The following CSMD1 variants were observed in gnomAD, a reference collection of about 807,000 sequenced individuals.
CSMD1 encodes the protein CUB and Sushi multiple domains 1, also known as CUB and sushi domain-containing protein 1.
Under a neutral mutation model 417.5 loss-of-function variants are expected in CSMD1, and 213 were observed. The ratio of observed to expected loss-of-function variants is 0.51; its 90% CI spans 0.46 to 0.57. The LOEUF (loss-of-function observed/expected upper bound fraction) is 0.57, where lower values mean the gene tolerates loss of function less well. CSMD1 is among the 20% of genes least tolerant of loss of function. The pLI, the probability that CSMD1 is intolerant of heterozygous loss-of-function variation, is 0.00. For synonymous variants in CSMD1, 2,862 were observed against 1,736.8 expected, an observed-to-expected ratio of 1.65 and a Z score of -16.11; for missense variants, 6,923 against 4,529.7, an observed-to-expected ratio of 1.53 and a Z score of -15.17.
chr8:3,755,483 A>C (rs946714173), intron 5 of CSMD1, among the ~76,000 whole-genome samples: 2 of 152,182 alleles, frequency 1.3e-5, no homozygotes, highest in African/African-American at 4.8e-5. Flanking sequence ...GTAAGGGTTT[A>C]AGCAAATTGC....
chr8:4,304,971 C>G (rs1434720370), intron 3 of CSMD1, among the ~76,000 whole-genome samples: 2 of 152,130 alleles, frequency 1.3e-5, no homozygotes, highest in African/African-American at 2.4e-5. Flanking sequence ...ACACTAACGT[C>G]TGGATGGTAA....
intron 1 of CSMD1, among the ~76,000 whole-genome samples, chr8:4,773,879 T>C (rs1179470535): frequency 6.6e-6 from 1 of 152,202 alleles, no homozygotes; most frequent in East Asian, 1.9e-4. Flanking sequence ...GCCCAAACTA[T>C]TAAATACGCT....
At chr8:4,106,375 C>T (rs1195831045) in intron 3 of CSMD1, among the ~76,000 whole-genome samples, 1 of 152,280 alleles carries the variant, frequency 6.6e-6, no homozygotes, top group East Asian at 1.9e-4. Context: ...CATTCAATTA[C>T]AATGCTGCAT....
At chr8:3,335,027 C>G (rs1807161460) in intron 23 of CSMD1, among the ~76,000 whole-genome samples, 1 of 152,206 alleles carries the variant, frequency 6.6e-6, no homozygotes, top group Non-Finnish European at 1.5e-5. Context: ...GATACTGTCT[C>G]TTAAACATTT....
At chr8:3,980,297 C>G (rs370885926) in intron 5 of CSMD1, among the ~76,000 whole-genome samples, 2 of 152,192 alleles carry the variant, frequency 1.3e-5, no homozygotes, top group South Asian at 4.1e-4. Flanking sequence ...CAGCCCAATG[C>G]TATTCTTGTC....
chr8:4,982,883 G>GTAAC (rs1810976683), intron 1 of CSMD1, among the ~76,000 whole-genome samples: 1 of 152,100 alleles, frequency 6.6e-6, no homozygotes, highest in Admixed American at 6.6e-5. Context: ...AGGTAATTTT[G>GTAAC]TAACTGCAGT....
intron 1 of CSMD1, among the ~76,000 whole-genome samples, chr8:4,760,059 C>T (rs988098690): frequency 6.6e-6 from 1 of 152,166 alleles, no homozygotes; most frequent in Non-Finnish European, 1.5e-5. Context: ...TTCTCTGCAA[C>T]CTCTCCAGCA....
intron 2 of CSMD1, among the ~76,000 whole-genome samples, chr8:4,523,778 A>G (rs2130413284): frequency 6.6e-6 from 1 of 152,326 alleles, no homozygotes; most frequent in South Asian, 2.1e-4. Flanking sequence ...ACATAATTGT[A>G]TGCAGAGCAA....
At chr8:3,420,180 C>T (rs1813398578) in intron 12 of CSMD1, among the ~76,000 whole-genome samples, 1 of 152,024 alleles carries the variant, frequency 6.6e-6, no homozygotes, top group Non-Finnish European at 1.5e-5. Flanking sequence ...TGATAAAAGT[C>T]CTTAAAAGAT....
intron 21 of CSMD1, among the ~76,000 whole-genome samples, chr8:3,355,958 G>A (rs1457583978): frequency 1.3e-5 from 2 of 152,020 alleles, no homozygotes; most frequent in African/African-American, 4.8e-5. Flanking sequence ...CATCCTAAAT[G>A]CATCATCAGG....
chr8:4,458,952 A>G (rs1799648116), intron 2 of CSMD1, among the ~76,000 whole-genome samples: 1 of 152,222 alleles, frequency 6.6e-6, no homozygotes, highest in Non-Finnish European at 1.5e-5. Flanking sequence ...TTGTAAACCA[A>G]CGAGGAAACA....
chr8:3,976,666 T>A (rs755050281), intron 5 of CSMD1, among the ~76,000 whole-genome samples: 2 of 152,230 alleles, frequency 1.3e-5, no homozygotes, highest in African/African-American at 4.8e-5. Flanking sequence ...ACAGCTTTCT[T>A]GCGCATTCCC....
chr8:3,858,134 C>G (rs1438943906), intron 5 of CSMD1, among the ~76,000 whole-genome samples: 1 of 152,200 alleles, frequency 6.6e-6, no homozygotes, highest in Non-Finnish European at 1.5e-5. Flanking sequence ...TCTTAGCTAT[C>G]TCTCACTAGA....
chr8:4,768,850 G>A (rs927659464), intron 1 of CSMD1, among the ~76,000 whole-genome samples: 6 of 152,258 alleles, frequency 3.9e-5, no homozygotes, highest in Non-Finnish European at 8.8e-5. Flanking sequence ...GGGAAGGGGA[G>A]GTGGCTGAGA....
At chr8:4,308,499 C>A (rs750448207) in intron 3 of CSMD1, among the ~76,000 whole-genome samples, 1 of 152,136 alleles carries the variant, frequency 6.6e-6, no homozygotes, top group Non-Finnish European at 1.5e-5. Context: ...CGGCAAAAGG[C>A]CATTTCAGTA....
chr8:4,261,039 C>T (rs1375413481), intron 3 of CSMD1, among the ~76,000 whole-genome samples: 1 of 152,132 alleles, frequency 6.6e-6, no homozygotes, highest in Non-Finnish European at 1.5e-5. Context: ...ACTTACTATG[C>T]TTTAACGGTG....
At chr8:3,431,317 C>T (rs1434931220) in intron 12 of CSMD1, among the ~76,000 whole-genome samples, 6 of 152,150 alleles carry the variant, frequency 3.9e-5, no homozygotes, top group Admixed American at 2.6e-4. Flanking sequence ...TGCATACTCT[C>T]CTCTGCTCTA....
chr8:3,663,104 T>C (rs1382102423), intron 7 of CSMD1, among the ~76,000 whole-genome samples: 1 of 152,032 alleles, frequency 6.6e-6, no homozygotes, highest in East Asian at 1.9e-4. Context: ...CTGCCCGCAA[T>C]GAAGACCTGA....
chr8:2,990,764 G>A (rs981072407), intron 54 of CSMD1, among the ~76,000 whole-genome samples: 9 of 152,126 alleles, frequency 5.9e-5, no homozygotes, highest in African/African-American at 2.2e-4. Flanking sequence ...AGCGAGAAGC[G>A]ATGATAATCC....
Sources: gnomAD v4.1 joint callset for allele counts (sites outside exome capture counted in the v4.1 genomes callset) on GRCh38, gnomAD v4.1.1 for gene constraint, MANE v1.5 for transcripts, NCBI Gene and HGNC (gene_info 2026-07-23, HGNC 2026-07-21) for gene names.